The following NBAS variants were observed in gnomAD, a reference collection of about 807,000 sequenced individuals.
NBAS encodes the protein NAG/BC035112 fusion.
NBAS carries 219 observed loss-of-function variants against 302.5 expected under a neutral mutation model. The observed-to-expected ratio is 0.72, with a 90% CI of 0.65 to 0.81. The LOEUF is 0.81. Among genes scored for constraint, NBAS ranks in the 30% least tolerant of loss-of-function variants. The pLI is 0.00. For synonymous variants in NBAS, 1,118 were observed against 1,021.6 expected (o/e 1.09, Z -1.80); for missense variants, 2,932 against 2,841.6 (o/e 1.03, Z -0.72).
At chr2:15,101,068 A>G in the NBAS span, among the ~76,000 whole-genome samples, 1 of 152,260 alleles carries the variant, frequency 6.6e-6, no homozygotes, top group Non-Finnish European at 1.5e-5. Context: ...AATGAGAATC[A>G]TAATTTAGGA....
chr2:15,521,797 A>G (rs1174790449), intron 9 of NBAS, among the ~76,000 whole-genome samples: 2 of 152,188 alleles, frequency 1.3e-5, no homozygotes, highest in Admixed American at 1.3e-4. Flanking sequence ...CCCTCAAATC[A>G]AATTCAGCCC....
At chr2:15,229,075 C>G (rs1026398759) in intron 47 of NBAS, among the ~76,000 whole-genome samples, 2 of 152,098 alleles carry the variant, frequency 1.3e-5, no homozygotes, top group Non-Finnish European at 2.9e-5. Flanking sequence ...GGCGTTGTGG[C>G]TCATGCCTGT....
chr2:15,343,317 G>C (rs1672943979), intron 35 of NBAS, among the ~76,000 whole-genome samples: 1 of 152,102 alleles, frequency 6.6e-6, no homozygotes, highest in Non-Finnish European at 1.5e-5. Context: ...AGTGCCACAG[G>C]ACTGAGCAGA....
intron 12 of NBAS, among the ~76,000 whole-genome samples, chr2:15,481,187 T>C (rs1041950145): frequency 2.0e-5 from 3 of 152,264 alleles, no homozygotes; most frequent in Admixed American, 6.5e-5. Flanking sequence ...AGTCATATTC[T>C]ATTGTATGGA....
At chr2:15,062,751 A>T in the NBAS span, among the ~76,000 whole-genome samples, 1 of 152,202 alleles carries the variant, frequency 6.6e-6, no homozygotes, top group African/African-American at 2.4e-5. Flanking sequence ...ACACATGTAG[A>T]CTGAACATTG....
chr2:15,244,008 A>G (rs899267933), intron 44 of NBAS, among the ~76,000 whole-genome samples: 9 of 152,190 alleles, frequency 5.9e-5, no homozygotes, highest in African/African-American at 1.9e-4. Flanking sequence ...CTCAGGGCAG[A>G]GATCCAATTA....
chr2:14,880,018 G>A, the NBAS span, among the ~76,000 whole-genome samples: 233 of 152,342 alleles, frequency 1.5e-3, 1 homozygote, highest in African/African-American at 5.3e-3. Flanking sequence ...CAGTTCTGGA[G>A]CAGAAGGAGC....
At chr2:15,193,812 G>A (rs1256764194) in intron 48 of NBAS, among the ~76,000 whole-genome samples, 1 of 151,786 alleles carries the variant, frequency 6.6e-6, no homozygotes, top group Non-Finnish European at 1.5e-5. Flanking sequence ...TTATGTAAAG[G>A]GCTCCCAGTC....
the NBAS span, among the ~76,000 whole-genome samples, chr2:15,096,005 C>A: frequency 6.6e-6 from 1 of 152,202 alleles, no homozygotes; most frequent in East Asian, 1.9e-4. Flanking sequence ...GGCGCAAGCT[C>A]CCTTCGGGAA....
chr2:15,109,081 A>G, the NBAS span, among the ~76,000 whole-genome samples: 1 of 152,264 alleles, frequency 6.6e-6, no homozygotes, highest in African/African-American at 2.4e-5. Context: ...AACTTCGGCT[A>G]ATGTCCAGAA....
At chr2:15,233,867 G>T (rs1296906168) in intron 46 of NBAS, among the ~76,000 whole-genome samples, 1 of 152,066 alleles carries the variant, frequency 6.6e-6, no homozygotes, top group African/African-American at 2.4e-5. Context: ...GAATTAAAAA[G>T]AATGCTTAAA....
At chr2:14,809,838 A>C in the NBAS span, among the ~76,000 whole-genome samples, 1 of 152,204 alleles carries the variant, frequency 6.6e-6, no homozygotes, top group Admixed American at 6.5e-5. Flanking sequence ...ATATCCTGCA[A>C]AGCCACAGGG....
At chr2:15,552,361 T>G (rs1664422427) in intron 5 of NBAS, among the ~76,000 whole-genome samples, 1 of 152,192 alleles carries the variant, frequency 6.6e-6, no homozygotes, top group Admixed American at 6.5e-5. Context: ...ACTATGCAGG[T>G]CCATGTCTAT....
chr2:15,060,628 G>C, the NBAS span, among the ~76,000 whole-genome samples: 1 of 152,128 alleles, frequency 6.6e-6, no homozygotes, highest in Non-Finnish European at 1.5e-5. Context: ...GGTCAGTGCA[G>C]GGAGGATGGG....
intron 23 of NBAS, among the ~76,000 whole-genome samples, chr2:15,420,479 T>C (rs1421323450): frequency 6.6e-6 from 1 of 152,028 alleles, no homozygotes; most frequent in Non-Finnish European, 1.5e-5. Flanking sequence ...CCAAGGAGAA[T>C]ATGGTTCTTT....
the NBAS span, among the ~76,000 whole-genome samples, chr2:14,872,125 G>A: frequency 6.6e-6 from 1 of 152,164 alleles, no homozygotes; most frequent in East Asian, 1.9e-4. Flanking sequence ...TAACATCAGA[G>A]AGTAATTTCA....
chr2:14,847,327 G>A, the NBAS span, among the ~76,000 whole-genome samples: 1 of 142,968 alleles, frequency 7.0e-6, no homozygotes, highest in Non-Finnish European at 1.5e-5. Context: ...AGCTTGCAGT[G>A]AGCCAAGACC....
the NBAS span, among the ~76,000 whole-genome samples, chr2:14,808,247 A>G: frequency 6.6e-6 from 1 of 152,318 alleles, no homozygotes; most frequent in African/African-American, 2.4e-5. Flanking sequence ...AGAGCTAGTA[A>G]GGTGGGGAGC....
At position 15,474,338 on chromosome 2, in the gene NBAS, G is replaced by GGAGATTTATCTGT; in HGVS notation, c.1342-15_1342-14insACAGATAAATCTC. Reference sequence around the variant, plus strand: ...TTTAATCTCACACTAAATTGAAAAAGGAGATTTGAAGTTAATAGTAAGGAA... The same window carrying GGAGATTTATCTGT: ...TTTAATCTCACACTAAATTGAAAAAGGAGATTTATCTGTGAGATTTGAAGTTAATAGTAAGGAA... On this transcript the variant is annotated splice_polypyrimidine_tract_variant and intron_variant, in intron 14 of 51. Coordinates refer to ENST00000281513, the MANE Select transcript of NBAS (RefSeq NM_015909.4). The GGAGATTTATCTGT allele has an allele frequency of 6.2e-7, 1 of 1,606,132 alleles. No homozygotes were observed. Among genetic ancestry groups the GGAGATTTATCTGT allele is most frequent in the African/African-American group, 1.3e-5 (1 of 74,686 alleles).
Sources: allele counts gnomAD v4.1 joint callset (sites outside exome capture counted in the v4.1 genomes callset), GRCh38; gene constraint gnomAD v4.1.1; transcripts MANE v1.5; gene names NCBI Gene and HGNC (gene_info 2026-07-23, HGNC 2026-07-21).